Variants in RIC8B observed in about 807,000 individuals in gnomAD.
RIC8B encodes the protein chaperone Ric-8B.
RIC8B carries 16 observed loss-of-function variants against 57.5 expected under a neutral mutation model. That is an observed-to-expected ratio of 0.28 (90% CI 0.19 to 0.42). The LOEUF is 0.42. RIC8B is among the 10% of genes least tolerant of loss of function. The pLI, the probability that RIC8B is intolerant of heterozygous loss-of-function variation, is 1.00. For synonymous variants in RIC8B, 216 were observed against 250.8 expected (o/e 0.86, Z 1.31); for missense variants, 481 against 677.0 (o/e 0.71, Z 3.21).
At chr12:106,827,555 T>G (rs1248386536) in intron 4 of RIC8B, among the ~76,000 whole-genome samples, 1 of 152,212 alleles carries the variant, frequency 6.6e-6, no homozygotes, top group African/African-American at 2.4e-5. Flanking sequence ...TTGTACTGAA[T>G]TTGCTGGTAG....
chr12:106,886,253 C>G lies in RIC8B; in HGVS notation c.*238C>G. On this transcript the variant is annotated 3_prime_UTR_variant, in exon 10 of 10. Transcript: ENST00000392837. ...GGGGGCTAAAAGCAGAAAAAAAATTCCATTTCATCGGGATGGAACTGAAGG... is the reference window on the plus strand; with the variant it reads ...GGGGGCTAAAAGCAGAAAAAAAATTGCATTTCATCGGGATGGAACTGAAGG... 2.3e-6 allele frequency: 1 copy of G among 438,916 alleles called. No homozygotes were observed. Among genetic ancestry groups the G allele is most frequent in the Non-Finnish European group, 4.1e-6 (1 of 246,854 alleles). 27.2% of individuals were successfully genotyped at this position (438,916 alleles called of 1,614,324 possible). A position where few individuals can be genotyped will look rare whatever the true frequency, so the allele number is the denominator to read the frequency against.
intron 9 of RIC8B, among the ~76,000 whole-genome samples, chr12:106,883,643 ATGT>A (rs1193250898): frequency 1.3e-5 from 2 of 151,958 alleles, no homozygotes; most frequent in Non-Finnish European, 2.9e-5. Flanking sequence ...TACCTCAGAA[ATGT>A]TGCCTTTTCT....
chr12:106,862,690 C>T (rs376299893), intron 8 of RIC8B, among the ~76,000 whole-genome samples: 5 of 152,228 alleles, frequency 3.3e-5, no homozygotes, highest in Non-Finnish European at 1.5e-5. Context: ...AGAGAACTTA[C>T]TCTTCATCCA....
chr12:106,871,991 G>C (rs1388215611), intron 9 of RIC8B, among the ~76,000 whole-genome samples: 1 of 152,240 alleles, frequency 6.6e-6, no homozygotes, highest in African/African-American at 2.4e-5. Flanking sequence ...TATGATGCTG[G>C]TAGTGTGGTA....
chr12:106,885,436 G>A (rs930002854), intron 9 of RIC8B, among the ~76,000 whole-genome samples: 5 of 152,138 alleles, frequency 3.3e-5, no homozygotes, highest in African/African-American at 1.2e-4. Flanking sequence ...ACTAGAGACT[G>A]AGGCAAAATC....
At chr12:106,885,345 G>A (rs1207607309) in intron 9 of RIC8B, among the ~76,000 whole-genome samples, 3 of 152,086 alleles carry the variant, frequency 2.0e-5, no homozygotes, top group African/African-American at 4.8e-5. Context: ...GTGAAAGAGA[G>A]AGAGAGAAGG....
intron 2 of RIC8B, among the ~76,000 whole-genome samples, chr12:106,809,246 G>A (rs889743908): frequency 2.0e-5 from 3 of 152,200 alleles, no homozygotes; most frequent in Admixed American, 1.3e-4. Flanking sequence ...TGGTGGGACC[G>A]GGCATGGTGG....
intron 3 of RIC8B, among the ~76,000 whole-genome samples, chr12:106,815,746 G>C (rs2045546866): frequency 6.6e-6 from 1 of 152,228 alleles, no homozygotes; most frequent in East Asian, 1.9e-4. Context: ...CTGCTCAGGA[G>C]AGTAGAAGAT....
At chr12:106,810,234 C>A (rs1247816069) in intron 2 of RIC8B, among the ~76,000 whole-genome samples, 1 of 147,522 alleles carries the variant, frequency 6.8e-6, no homozygotes, top group Non-Finnish European at 1.5e-5. Context: ...TGCCCAGCCT[C>A]CCATTTTTTA....
intron 2 of RIC8B, among the ~76,000 whole-genome samples, chr12:106,812,894 AT>A (rs903976468): frequency 3.3e-5 from 5 of 151,676 alleles, no homozygotes; most frequent in African/African-American, 7.3e-5. Context: ...ATGTTATGAA[AT>A]TTTTTTTTGT....
Position 106,867,114 on chromosome 12 carries a change from C to T in RIC8B, c.1452-3709C>T, listed in dbSNP as rs1004589105. On this transcript the variant is annotated intron_variant, in intron 8 of 9. Coordinates refer to ENST00000392837, the MANE Select transcript of RIC8B (RefSeq NM_001330145.2). This position sits in a 1 kb window ranked among gnomAD's most constrained non-coding sequence, Gnocchi z 4.3. Reference sequence around the variant, plus strand: ...TTAATGGATCTTTTTTGTTAAATGACCTAGTACTGTTGATGTTGGCCAAAG... The same window carrying T: ...TTAATGGATCTTTTTTGTTAAATGATCTAGTACTGTTGATGTTGGCCAAAG... 1.3e-5 allele frequency among the ~76,000 whole-genome samples: 2 copies of T among 152,054 alleles called. No individual in the cohort carries two copies. Among genetic ancestry groups the T allele is most frequent in the Admixed American group, 1.3e-4 (2 of 15,256 alleles).
rs1385117635 is a variant in RIC8B at position 106,874,632 on chromosome 12, T to C, written c.1571+3690T>C. The C allele has an allele frequency of 2.5e-6, 3 of 1,194,774 alleles. No individual in the cohort carries two copies. The African/African-American group carries it at 4.6e-5, about 18-fold the overall frequency. 74.0% of individuals were successfully genotyped at this position (1,194,774 alleles called of 1,614,324 possible). ...GTATAGATGTTATTCACTACCAAAA[T>C]TGTAAAACCACCAATGTAAAAGTTA... On this transcript the variant is annotated intron_variant, in intron 9 of 9. Coordinates refer to ENST00000392837, the MANE Select transcript of RIC8B (RefSeq NM_001330145.2).
In RIC8B at chr12:106,887,079, G is replaced by T. The variant is rs1259630275; in HGVS notation, c.*1064G>T. The T allele has an allele frequency of 1.3e-5, 2 of 152,404 alleles. No individual in the cohort carries two copies. The highest frequency in any genetic ancestry group is 2.9e-5 in the Non-Finnish European group (2 of 68,006). 9.4% of individuals were successfully genotyped at this position (152,404 alleles called of 1,614,324 possible). A position where few individuals can be genotyped will look rare whatever the true frequency, so the allele number is the denominator to read the frequency against. ...GTGTTTATTTTTACTTTTAGAATTG[G>T]TCCTATGAAGAAGTAGAAAGTGAGT... On this transcript the variant is annotated 3_prime_UTR_variant, in exon 10 of 10. Transcript: ENST00000392837.
intron 9 of RIC8B, chr12:106,878,985 A>G: frequency 1.0e-6 from 1 of 985,834 alleles, no homozygotes. Context: ...GTTTCATTAC[A>G]GACCCTGTCA....
At chr12:106,838,026 G>A (rs1332334689) in intron 4 of RIC8B, among the ~76,000 whole-genome samples, 1 of 152,134 alleles carries the variant, frequency 6.6e-6, no homozygotes, top group Non-Finnish European at 1.5e-5. Context: ...CATAGTTAAT[G>A]TATACAACTT....
chr12:106,810,173 TCCTC>T (rs955131105), intron 2 of RIC8B, among the ~76,000 whole-genome samples: 1 of 144,494 alleles, frequency 6.9e-6, no homozygotes, highest in Non-Finnish European at 1.5e-5. Context: ...TTTTTTTTGA[TCCTC>T]CCACCTCAGC....
intron 8 of RIC8B, among the ~76,000 whole-genome samples, chr12:106,868,848 CTTTTTTTTTTTTT>C (rs572218268): frequency 1.2e-5 from 1 of 85,538 alleles, no homozygotes; most frequent in Non-Finnish European, 2.4e-5. Flanking sequence ...GAGGCCCAAG[CTTTTTTTTTTTTT>C]TTTTTTTTTT....
chr12:106,819,753 AGAG>A (rs1397326648), intron 3 of RIC8B, among the ~76,000 whole-genome samples: 6 of 147,846 alleles, frequency 4.1e-5, no homozygotes, highest in Non-Finnish European at 6.0e-5. Context: ...AAAAAAAAAA[AGAG>A]GAGGAGGAAT....
intron 2 of RIC8B, among the ~76,000 whole-genome samples, chr12:106,794,458 G>A (rs2044388171): frequency 6.6e-6 from 1 of 152,156 alleles, no homozygotes; most frequent in Non-Finnish European, 1.5e-5. Context: ...AGGAAGTTCA[G>A]TGAACCCAAA....
Sources: gnomAD v4.1 joint callset for allele counts (sites outside exome capture counted in the v4.1 genomes callset) on GRCh38, gnomAD v4.1.1 for gene constraint, Gnocchi (gnomAD v3.1) non-coding constraint, MANE v1.5 for transcripts, NCBI Gene and HGNC (gene_info 2026-07-23, HGNC 2026-07-21) for gene names.